The following BAIAP3 variants were observed in gnomAD, a reference collection of about 807,000 sequenced individuals.
BAIAP3 encodes BAI1-associated protein 3.
A neutral mutation model predicts 149.7 loss-of-function variants in BAIAP3; 180 were observed. The observed-to-expected ratio is 1.20, with a 90% confidence interval of 1.07 to 1.36. The LOEUF (loss-of-function observed/expected upper bound fraction) is 1.36. Ranked by LOEUF, BAIAP3 falls within the 40% of genes most tolerant of loss-of-function variation. The pLI is 0.00. For missense variants in BAIAP3, 1,767 were observed against 1,563.4 expected, an observed-to-expected ratio of 1.13 and a Z score of -2.20; for synonymous variants, 845 against 670.7, an observed-to-expected ratio of 1.26 and a Z score of -4.02.
In BAIAP3 at chr16:1,342,552, G is replaced by C; in HGVS notation, c.983G>C (p.Arg328Pro). 3 of 1,553,752 alleles carry C rather than the reference G, an allele frequency of 1.9e-6. No individual in the cohort carries two copies. Among genetic ancestry groups the C allele is most frequent in the Non-Finnish European group, 2.6e-6 (3 of 1,149,342 alleles). The change falls in exon 12 of 34, where the codon CGC (arginine) becomes CCC (proline). Residue 328 changes from arginine (R) to proline (P), a missense_variant. Transcript: ENST00000426824. ...VREVPVAGVDRWFKLEPRSSA... is the reference protein window; with the variant it reads ...VREVPVAGVDPWFKLEPRSSA... Reference sequence around the variant, plus strand: ...GAGGTGCCTGTGGCTGGCGTCGACCGCTGGTTCAAGCTGGAGCCACGCTCC... The same window carrying C: ...GAGGTGCCTGTGGCTGGCGTCGACCCCTGGTTCAAGCTGGAGCCACGCTCC...
intron 1 of BAIAP3, among the ~76,000 whole-genome samples, chr16:1,335,859 G>C (rs758473575): frequency 6.6e-6 from 1 of 152,140 alleles, no homozygotes; most frequent in Non-Finnish European, 1.5e-5. Flanking sequence ...CTTGACTGCC[G>C]TCCCCAGCCC....
In BAIAP3 at chr16:1,342,094, C is replaced by G. The variant is rs924700452; in HGVS notation, c.854+31C>G. 4 of 1,576,800 alleles carry G rather than the reference C, an allele frequency of 2.5e-6. No individual in the cohort carries two copies. In the South Asian group the frequency reaches 3.5e-5, roughly 14 times the overall value. Reference sequence around the variant, plus strand: ...ACTGCTGGGACCTTTCTACCCATCACCCGTGCCCTCAGCTTGGTCATGGGG... The same window carrying G: ...ACTGCTGGGACCTTTCTACCCATCAGCCGTGCCCTCAGCTTGGTCATGGGG... On this transcript the variant is annotated intron_variant, in intron 10 of 33. Transcript: ENST00000426824.
intron 1 of BAIAP3, chr16:1,334,629 T>A: frequency 3.3e-6 from 5 of 1,534,694 alleles, no homozygotes; most frequent in Non-Finnish European, 4.4e-6. Flanking sequence ...CGGCAGCGCT[T>A]GTTAGAATGC....
rs2034071880 is a variant in BAIAP3, at chr16:1,343,384, GCC to G, written c.1266-6_1266-5del. 6.3e-7 allele frequency: 1 copy of G among 1,579,706 alleles called. No homozygotes were observed. Among genetic ancestry groups the G allele is most frequent in the African/African-American group, 1.3e-5 (1 of 74,406 alleles). ...TTCATACCCTTTGACCATGGGCCGG[GCC>G]CCACAGGCACTGGCAGGTCAGCAGC... On this transcript the variant is annotated splice_region_variant and splice_polypyrimidine_tract_variant and intron_variant, in intron 14 of 33. Transcript: ENST00000426824.
At chr16:1,336,232 TCCAC>T in intron 1 of BAIAP3, 1 of 985,258 alleles carries the variant, frequency 1.0e-6, no homozygotes, top group Non-Finnish European at 1.2e-6. Flanking sequence ...AGCAGCCTCT[TCCAC>T]CCAGCAAGGG....
rs1262374445 is a variant in BAIAP3 at position 1,344,041 on chromosome 16, G to A, written c.1406G>A (p.Ser469Asn). Reference protein sequence around the residue: ...PQEQEESLADSLSAFSEFGLQ... With the variant: ...PQEQEESLADNLSAFSEFGLQ... Reference sequence around the variant, plus strand: ...CCACAGGAGGAGAGCCTGGCTGATAGCCTTTCCGCCTTCTCTGAGTTCGGG... The same window carrying A: ...CCACAGGAGGAGAGCCTGGCTGATAACCTTTCCGCCTTCTCTGAGTTCGGG... The change falls in exon 16 of 34, where the codon AGC (serine) becomes AAC (asparagine). Residue 469 changes from serine to asparagine, a missense_variant. Coordinates refer to ENST00000426824, the MANE Select transcript of BAIAP3 (RefSeq NM_001199097.2). 1.9e-6 allele frequency: 3 copies of A among 1,612,466 alleles called. No individual in the cohort carries two copies. The highest frequency in any genetic ancestry group is 2.5e-6 in the Non-Finnish European group (3 of 1,179,912).
intron 10 of BAIAP3, 27 bp downstream of exon 10, chr16:1,342,090 A>G (rs2141589085): frequency 6.3e-7 from 1 of 1,580,878 alleles, no homozygotes; most frequent in African/African-American, 1.3e-5. Flanking sequence ...CTTTCTACCC[A>G]TCACCCGTGC....
chr16:1,346,921 C>A lies in BAIAP3; in HGVS notation c.2717C>A (p.Ala906Asp). Residue 906 changes from alanine (A) to aspartate (D), a missense_variant, in exon 28 of 34, where the codon GCT becomes GAT. Transcript: ENST00000426824. ...CTGGGTGCAAACCGTGACGTCTCTG[C>A]TGATTTCTACAGCCGCTTCCATTTC... ...QALGANRDVS[A>D]DFYSRFHFTL... 6.2e-7 allele frequency: 1 copy of A among 1,611,684 alleles called. No homozygotes were observed. The highest frequency in any genetic ancestry group is 1.1e-5 in the South Asian group (1 of 90,922).
Position 1,339,180 on chromosome 16 carries a change from G to T in BAIAP3, c.236G>T (p.Gly79Val). 6.4e-7 allele frequency: 1 copy of T among 1,566,706 alleles called. No individual in the cohort carries two copies. The highest frequency in any genetic ancestry group is 8.6e-7 in the Non-Finnish European group (1 of 1,157,528). ...CACACACAGGTCCCCCTGCGCAGTGGCTCGCCAGCACCCCCGGAGCCTGTG... is the reference window on the plus strand; with the variant it reads ...CACACACAGGTCCCCCTGCGCAGTGTCTCGCCAGCACCCCCGGAGCCTGTG... ...LPCLEVPLRS[G>V]SPAPPEPVDP... The change falls in exon 4 of 34, where the codon GGC becomes GTC. Residue 79 changes from glycine to valine, a missense_variant. Gly to Val is a moderately radical substitution (Grantham distance 109). Coordinates refer to ENST00000426824, the MANE Select transcript of BAIAP3 (RefSeq NM_001199097.2).
intron 28 of BAIAP3, 68 bp from the exon 29 acceptor site, chr16:1,347,214 TGGGCCCCTTTGTGCTG>T: frequency 7.2e-7 from 1 of 1,387,222 alleles, no homozygotes; most frequent in South Asian, 1.3e-5. Context: ...CAGTGCTGCC[TGGGCCCCTTTGTGCTG>T]GGGGTCTCTA....
chr16:1,336,924 C>T (rs947818942), intron 1 of BAIAP3, among the ~76,000 whole-genome samples: 4 of 152,224 alleles, frequency 2.6e-5, no homozygotes, highest in African/African-American at 4.8e-5. Flanking sequence ...GCCAGGACCC[C>T]GGGGGGCTGG....
intron 14 of BAIAP3, 26 bp downstream of exon 14, chr16:1,343,042 C>T (rs1444176890): frequency 8.5e-6 from 12 of 1,407,242 alleles, no homozygotes; most frequent in Non-Finnish European, 1.0e-5. Flanking sequence ...TACGAGTGGG[C>T]GGGGAATGTG....
rs1348875814 is a variant in BAIAP3 at position 1,342,804 on chromosome 16, C to A, written c.1151C>A (p.Ser384Ter). ...LLSHLLRLEH[S>*]AEEPNSSSWR... ...AGCCATCTGCTGCGGTTGGAGCACT[C>A]AGCAGAGGAGGTAGTGGGTGCGCCT... is the stretch of plus-strand genomic sequence containing the variant. The change falls in exon 13 of 34, where the codon TCA becomes TAA. Residue 384 changes from serine to a stop codon, truncating the protein, a stop_gained. Transcript: ENST00000426824. LOFTEE classifies it high-confidence loss of function. 2.5e-6 allele frequency: 4 copies of A among 1,612,586 alleles called. No individual in the cohort carries two copies. The highest frequency in any genetic ancestry group is 3.4e-6 in the Non-Finnish European group (4 of 1,180,002).
At chr16:1,335,018 G>C (rs2033367911) in intron 1 of BAIAP3, among the ~76,000 whole-genome samples, 1 of 152,196 alleles carries the variant, frequency 6.6e-6, no homozygotes, top group East Asian at 1.9e-4. Flanking sequence ...CTGCACTGGG[G>C]AGGAAGGCTG....
chr16:1,334,379 A>C, intron 1 of BAIAP3: 1 of 447,672 alleles, frequency 2.2e-6, no homozygotes. Flanking sequence ...GCCCCCTCCG[A>C]GGGGAGAGAC....
In BAIAP3 at chr16:1,345,840, G is replaced by A; in HGVS notation, c.2158G>A (p.Ala720Thr). 6.3e-7 allele frequency: 1 copy of A among 1,579,756 alleles called. No homozygotes were observed. Among genetic ancestry groups the A allele is most frequent in the Non-Finnish European group, 8.6e-7 (1 of 1,165,042 alleles). The change falls in exon 23 of 34, where the codon GCG (alanine) becomes ACG (threonine). Residue 720 changes from alanine to threonine, a missense_variant. By Grantham distance (58) the Ala-to-Thr change is moderately conservative. Coordinates refer to ENST00000426824, the MANE Select transcript of BAIAP3 (RefSeq NM_001199097.2). ...CATCCAGGAGTTGTGGGTGCGCCTG[G>A]CGTGGCCTGACCCTGCCCAGGCTCA... ...SHIQELWVRL[A>T]WPDPAQAQGL...
chr16:1,341,535 G>T, intron 8 of BAIAP3, 46 bp downstream of exon 8: 1 of 1,574,978 alleles, frequency 6.3e-7, no homozygotes, highest in Non-Finnish European at 8.6e-7. Flanking sequence ...CTCTGCCTGG[G>T]GTCCAGAGCT....
At chr16:1,347,270 A>C in intron 28 of BAIAP3, 28 bp from the exon 29 acceptor site, 1 of 1,608,342 alleles carries the variant, frequency 6.2e-7, no homozygotes, top group Non-Finnish European at 8.5e-7. Context: ...AGGCTCCCTG[A>C]CACCTCTGCC....
chr16:1,347,193 T>A, intron 28 of BAIAP3, 105 bp from the exon 29 acceptor site: 1 of 1,209,088 alleles, frequency 8.3e-7, no homozygotes, highest in South Asian at 1.4e-5. Flanking sequence ...TGCCCTTGGC[T>A]GCTGAGCCCC....
Sources: allele counts gnomAD v4.1 joint callset (sites outside exome capture counted in the v4.1 genomes callset), GRCh38; gene constraint gnomAD v4.1.1; transcripts MANE v1.5; gene names NCBI Gene and HGNC (gene_info 2026-07-23, HGNC 2026-07-21).